Variants in DMD observed in about 807,000 individuals in gnomAD.
The protein encoded by DMD is dystrophin.
A neutral mutation model predicts 330.1 loss-of-function variants in DMD; 63 were observed. The ratio of observed to expected loss-of-function variants is 0.19; its 90% confidence interval spans 0.16 to 0.24. The LOEUF is 0.24. Ranked by LOEUF, DMD falls within the 10% of genes least tolerant of loss-of-function variation. The probability of loss-of-function intolerance (pLI) is 1.00; values close to 1 mark genes in which losing one functional copy is unlikely to be tolerated. For synonymous variants in DMD, 1,223 were observed against 959.8 expected, an observed-to-expected ratio of 1.27 and a Z score of -5.07; for missense variants, 3,344 against 2,684.1, an observed-to-expected ratio of 1.25 and a Z score of -5.43.
chrX:31,833,356 G>GA (rs2093114585), intron 49 of DMD, among the ~76,000 whole-genome samples: 1 of 48,571 alleles, frequency 2.1e-5, no homozygotes, highest in Non-Finnish European at 3.6e-5. Context: ...AGGGAGGGAG[G>GA]GAAAGAGAGA....
intron 26 of DMD, among the ~76,000 whole-genome samples, chrX:32,449,421 G>A (rs12116351): frequency 0.054 from 5,956 of 109,538 alleles, 416 homozygotes; most frequent in African/African-American, 0.19. Context: ...AACGAACGCC[G>A]TTTCTTTATT....
intron 4 of DMD, among the ~76,000 whole-genome samples, chrX:32,828,432 C>A (rs1283830451): frequency 9.4e-6 from 1 of 106,048 alleles, no homozygotes; most frequent in Admixed American, 9.9e-5. Context: ...GATGTATATA[C>A]TGGATCAGAG....
At chrX:32,925,287 T>C (rs1487132221) in intron 2 of DMD, among the ~76,000 whole-genome samples, 1 of 107,863 alleles carries the variant, frequency 9.3e-6, no homozygotes, top group Admixed American at 1.0e-4. Flanking sequence ...CAGTAGATAC[T>C]AACGTTGTAC....
chrX:31,136,196 C>T (rs751804291), intron 76 of DMD, among the ~76,000 whole-genome samples: 19 of 110,988 alleles, frequency 1.7e-4, no homozygotes, highest in Non-Finnish European at 2.5e-4. Context: ...ATATTAAGTA[C>T]AGGAAATGGG....
At chrX:31,687,459 T>C (rs1334029481) in intron 52 of DMD, among the ~76,000 whole-genome samples, 1 of 110,807 alleles carries the variant, frequency 9.0e-6, no homozygotes, top group African/African-American at 3.3e-5. Context: ...TGGGTCCCAG[T>C]TCTCTCAGCA....
intron 44 of DMD, among the ~76,000 whole-genome samples, chrX:32,150,269 C>T (rs2096797806): frequency 8.9e-6 from 1 of 112,253 alleles, no homozygotes; most frequent in Non-Finnish European, 1.9e-5. Context: ...GTTCAAAGCC[C>T]TTAGCCTGGG....
At chrX:32,076,200 A>G in intron 44 of DMD, among the ~76,000 whole-genome samples, 1 of 108,329 alleles carries the variant, frequency 9.2e-6, no homozygotes, top group Non-Finnish European at 1.9e-5. Context: ...AGAGGATTAT[A>G]ACCTCAGCGG....
chrX:32,927,104 A>G (rs1474385119), intron 2 of DMD, among the ~76,000 whole-genome samples: 1 of 111,097 alleles, frequency 9.0e-6, no homozygotes, highest in Non-Finnish European at 1.9e-5. Flanking sequence ...ACCCTTCGCT[A>G]CATTATTTGT....
At chrX:32,654,677 G>C (rs913743908) in intron 9 of DMD, among the ~76,000 whole-genome samples, 6 of 111,761 alleles carry the variant, frequency 5.4e-5, no homozygotes, top group African/African-American at 2.0e-4. Context: ...AAATGAGTTA[G>C]GGAGGATTCC....
At chrX:31,652,533 T>G (rs1312173899) in intron 54 of DMD, among the ~76,000 whole-genome samples, 2 of 111,638 alleles carry the variant, frequency 1.8e-5, no homozygotes, top group African/African-American at 6.5e-5. Flanking sequence ...GCAGATGATA[T>G]TTTACTGAGT....
intron 50 of DMD, among the ~76,000 whole-genome samples, chrX:31,780,590 CA>C (rs1569400277): frequency 8.9e-6 from 1 of 111,778 alleles, no homozygotes; most frequent in Non-Finnish European, 1.9e-5. Context: ...GAAAGGATGG[CA>C]TTTGGATTAA....
intron 55 of DMD, among the ~76,000 whole-genome samples, chrX:31,572,050 T>C (rs958912147): frequency 9.0e-6 from 1 of 110,548 alleles, no homozygotes; most frequent in African/African-American, 3.3e-5. Context: ...AATACCTCGG[T>C]GGTGAAATAA....
At chrX:32,905,775 T>C (rs1167592284) in intron 2 of DMD, among the ~76,000 whole-genome samples, 2 of 111,199 alleles carry the variant, frequency 1.8e-5, no homozygotes, top group African/African-American at 6.5e-5. Flanking sequence ...GATTCTTTAT[T>C]ATGGTGGGTT....
In DMD at chrX:32,679,299, C is replaced by T. The variant is rs1602896753; in HGVS notation, c.960+18571G>A. On this transcript the variant is annotated intron_variant, in intron 9 of 78. Transcript: ENST00000357033. ...AGAACAAAAGTAAATAAAATAGAAA[C>T]TAGAAAAACAATAGAAAATAGTAAC... Among the ~76,000 whole-genome samples, 4 of 109,118 alleles carry T rather than the reference C, an allele frequency of 3.7e-5. No individual in the cohort carries two copies. The South Asian group carries it at 1.5e-3, about 41-fold the overall frequency. The allele number at this position is 109,118 out of a possible 115,157, so 94.8% of individuals were successfully genotyped here. A position where few individuals can be genotyped will look rare whatever the true frequency, so the allele number is the denominator to read the frequency against.
chrX:32,010,422 AG>A (rs2095697981), intron 44 of DMD, among the ~76,000 whole-genome samples: 1 of 111,505 alleles, frequency 9.0e-6, no homozygotes, highest in African/African-American at 3.3e-5. Flanking sequence ...GCTGCAAATC[AG>A]ACACTCTCTC....
At position 31,585,911 on chromosome X, in the gene DMD, G is replaced by GT. The variant is rs770455661; in HGVS notation, c.8217+41761dup. 4.4e-3 allele frequency among the ~76,000 whole-genome samples: 466 copies of GT among 106,177 alleles called. 2 individuals are homozygous for GT. The highest frequency in any genetic ancestry group is 6.6e-3 in the African/African-American group (195 of 29,405). The allele number at this position is 106,177 out of a possible 115,157, so 92.2% of individuals were successfully genotyped here. On this transcript the variant is annotated intron_variant, in intron 55 of 78. Transcript: ENST00000357033. ...CCAATGAAGAAAATCTCTGTATATAGTTTTTTTTTTGGTTTGTTTGTTTTT... is the reference window on the plus strand; with the variant it reads ...CCAATGAAGAAAATCTCTGTATATAGTTTTTTTTTTTGGTTTGTTTGTTTTT...
At chrX:32,868,959 C>T (rs2149128869) in intron 2 of DMD, among the ~76,000 whole-genome samples, 1 of 111,717 alleles carries the variant, frequency 9.0e-6, no homozygotes, top group African/African-American at 3.2e-5. Flanking sequence ...GAGACCCACC[C>T]CCAACAGCAG....
chrX:33,191,979 G>A (rs1452277318), intron 1 of DMD, among the ~76,000 whole-genome samples: 1 of 111,854 alleles, frequency 8.9e-6, no homozygotes, highest in African/African-American at 3.2e-5. Context: ...TAAACTCACC[G>A]CCTATTGTGA....
intron 41 of DMD, among the ~76,000 whole-genome samples, chrX:32,327,049 G>T: frequency 9.1e-6 from 1 of 109,586 alleles, no homozygotes; most frequent in Non-Finnish European, 1.9e-5. Context: ...TCTCTCATCT[G>T]TGTTGCCCTG....
Sources: gnomAD v4.1 joint callset for allele counts (sites outside exome capture counted in the v4.1 genomes callset) on GRCh38, gnomAD v4.1.1 for gene constraint, MANE v1.5 for transcripts, NCBI Gene and HGNC (gene_info 2026-07-23, HGNC 2026-07-21) for gene names.